PIK3R6: variants seen among roughly 807,000 people sequenced by gnomAD.
The protein encoded by PIK3R6 is phosphoinositide 3-kinase regulatory subunit 6.
A neutral mutation model predicts 84.9 loss-of-function variants in PIK3R6; 91 were observed. The ratio of observed to expected loss-of-function variants is 1.07; its 90% CI spans 0.90 to 1.28. The LOEUF (loss-of-function observed/expected upper bound fraction) is 1.28, where lower values mean the gene tolerates loss of function less well. PIK3R6 is among the 50% of genes most tolerant of loss of function. The probability of loss-of-function intolerance (pLI) is 0.00; values close to 1 mark genes in which losing one functional copy is unlikely to be tolerated. For missense variants in PIK3R6, 996 were observed against 985.1 expected (o/e 1.01, Z -0.15); for synonymous variants, 416 against 411.4 (o/e 1.01, Z -0.13).
At chr17:8,830,498 G>A (rs2088197462) in intron 9 of PIK3R6, among the ~76,000 whole-genome samples, 1 of 152,182 alleles carries the variant, frequency 6.6e-6, no homozygotes, top group Admixed American at 6.5e-5. Flanking sequence ...CCCCACTCAT[G>A]AGGCTGCAAG....
At chr17:8,852,821 A>G (rs1318417709) in intron 1 of PIK3R6, among the ~76,000 whole-genome samples, 4 of 152,174 alleles carry the variant, frequency 2.6e-5, no homozygotes, top group African/African-American at 9.7e-5. Flanking sequence ...AGGATATGAG[A>G]AAATTTCCAG....
intron 18 of PIK3R6, among the ~76,000 whole-genome samples, chr17:8,804,678 C>A (rs1490291398): frequency 6.6e-6 from 1 of 152,160 alleles, no homozygotes; most frequent in Non-Finnish European, 1.5e-5. Context: ...CCTTATAACT[C>A]CTGACCTGAG....
chr17:8,854,816 G>A (rs1453829146), intron 1 of PIK3R6, among the ~76,000 whole-genome samples: 1 of 152,166 alleles, frequency 6.6e-6, no homozygotes, highest in Non-Finnish European at 1.5e-5. Context: ...CAATACCAAA[G>A]CATGATCCAT....
chr17:8,861,181 CAAAAAA>C (rs35125812), intron 1 of PIK3R6, among the ~76,000 whole-genome samples: 10 of 95,662 alleles, frequency 1.0e-4, no homozygotes, highest in African/African-American at 3.2e-4. Context: ...GACTCTGTCT[CAAAAAA>C]AAAAAAAAAA....
chr17:8,806,220 T>G (rs547489300), intron 18 of PIK3R6, among the ~76,000 whole-genome samples: 13 of 152,334 alleles, frequency 8.5e-5, no homozygotes, highest in African/African-American at 2.2e-4. Flanking sequence ...GTGAGAGAGA[T>G]GCATGGTTTC....
chr17:8,858,139 C>A (rs1022695973), intron 1 of PIK3R6, among the ~76,000 whole-genome samples: 1 of 152,066 alleles, frequency 6.6e-6, no homozygotes, highest in African/African-American at 2.4e-5. Context: ...GGGGAAGAGC[C>A]CCCAGGGGAT....
intron 9 of PIK3R6, among the ~76,000 whole-genome samples, chr17:8,831,944 T>G (rs2088255759): frequency 6.6e-6 from 1 of 152,232 alleles, no homozygotes. Flanking sequence ...ACCTACATTA[T>G]GCCTTGCATA....
chr17:8,850,339 T>C (rs1196351751), intron 1 of PIK3R6, among the ~76,000 whole-genome samples: 5 of 151,708 alleles, frequency 3.3e-5, no homozygotes, highest in South Asian at 4.2e-4. Context: ...AGAAAACTTA[T>C]ATAGTGCTTA....
At position 8,866,187 on chromosome 17, in the gene PIK3R6, T is replaced by C. The variant is rs149712940; in HGVS notation, c.-92+1342A>G. On this transcript the variant is annotated intron_variant, in intron 1 of 19. Coordinates refer to ENST00000619866, the MANE Select transcript of PIK3R6 (RefSeq NM_001010855.4). ...GGACCTGACAACAACACCTACCTCA[T>C]AGGCTTGTCATGAGACTAAATGAGA... 2.7e-3 allele frequency among the ~76,000 whole-genome samples: 415 copies of C among 152,142 alleles called. 1 individual carries two copies. Among genetic ancestry groups the C allele is most frequent in the African/African-American group, 9.5e-3 (393 of 41,488 alleles).
intron 18 of PIK3R6, among the ~76,000 whole-genome samples, chr17:8,812,205 A>T (rs2087378715): frequency 6.6e-6 from 1 of 152,016 alleles, no homozygotes; most frequent in Non-Finnish European, 1.5e-5. Context: ...CCCATGATTC[A>T]ATTACCTCCA....
chr17:8,811,124 T>G (rs904718395), intron 18 of PIK3R6, among the ~76,000 whole-genome samples: 1 of 148,956 alleles, frequency 6.7e-6, no homozygotes, highest in Non-Finnish European at 1.5e-5. Context: ...TCTTGACTTC[T>G]GTGCACTTGC....
At chr17:8,829,314 G>A (rs1054543000) in intron 10 of PIK3R6, among the ~76,000 whole-genome samples, 6 of 132,588 alleles carry the variant, frequency 4.5e-5, no homozygotes, top group South Asian at 4.8e-4. Flanking sequence ...ACTGACACAC[G>A]CATGCACGCA....
At chr17:8,831,421 CTTAA>C (rs1399307849) in intron 9 of PIK3R6, among the ~76,000 whole-genome samples, 1 of 145,332 alleles carries the variant, frequency 6.9e-6, no homozygotes, top group Non-Finnish European at 1.5e-5. Context: ...CCCAGATGGT[CTTAA>C]TTAATCCATG....
rs536774575 is a variant in PIK3R6, at chr17:8,829,641, T to G, written c.889+65A>C. 11 of 1,457,556 alleles carry G rather than the reference T, an allele frequency of 7.5e-6. No individual in the cohort carries two copies. In the Admixed American group the frequency reaches 2.2e-4, roughly 29 times the overall value. 90.3% of individuals were successfully genotyped at this position (1,457,556 alleles called of 1,614,324 possible). On this transcript the variant is annotated intron_variant, in intron 10 of 19. Transcript: ENST00000619866. The stretch of plus-strand genomic sequence containing the variant: ...ACGCATGCACACTGACACACACTCA[T>G]GCACGCATACACACACAGACACAGA...
chr17:8,867,495 C>T, intron 1 of PIK3R6, 34 bp downstream of exon 1: 1 of 405,100 alleles, frequency 2.5e-6, no homozygotes, highest in Non-Finnish European at 5.1e-6. Context: ...TCAGATCTGC[C>T]TGCCTGGCGA....
At chr17:8,855,432 T>C (rs189372891) in intron 1 of PIK3R6, among the ~76,000 whole-genome samples, 9 of 152,110 alleles carry the variant, frequency 5.9e-5, no homozygotes, top group African/African-American at 2.2e-4. Context: ...AAAAAAGATA[T>C]GTGGATGGCA....
At position 8,867,600 on chromosome 17, in the gene PIK3R6, C is replaced by A. The variant is rs768248538; in HGVS notation, c.-163G>T. On this transcript the variant is annotated 5_prime_UTR_variant, in exon 1 of 20. Coordinates refer to ENST00000619866, the MANE Select transcript of PIK3R6 (RefSeq NM_001010855.4). ...TCCCCACGGTCCTGAGCGAGGTCCC[C>A]AGTCCCAGAGAAGCAGATGTCTTGG... is the stretch of plus-strand genomic sequence containing the variant. 1 of 513,266 alleles carries A rather than the reference C, an allele frequency of 1.9e-6. No individual in the cohort carries two copies. The highest frequency in any genetic ancestry group is 3.9e-6 in the Non-Finnish European group (1 of 256,258). The allele number at this position is 513,266 out of a possible 1,614,324, so 31.8% of individuals were successfully genotyped here.
chr17:8,854,267 G>A (rs2089065527), intron 1 of PIK3R6, among the ~76,000 whole-genome samples: 1 of 151,980 alleles, frequency 6.6e-6, no homozygotes, highest in Non-Finnish European at 1.5e-5. Flanking sequence ...TCCTGCTTCA[G>A]CCTCCCAGGT....
At chr17:8,860,011 CAGACTCATGTAAG>C (rs1325912129) in intron 1 of PIK3R6, among the ~76,000 whole-genome samples, 1 of 152,214 alleles carries the variant, frequency 6.6e-6, no homozygotes, top group African/African-American at 2.4e-5. Flanking sequence ...AACCATTTCG[CAGACTCATGTAAG>C]AGACTCTCAG....
Sources: allele counts gnomAD v4.1 joint callset (sites outside exome capture counted in the v4.1 genomes callset), GRCh38; gene constraint gnomAD v4.1.1; transcripts MANE v1.5; gene names NCBI Gene and HGNC (gene_info 2026-07-23, HGNC 2026-07-21).